Variants in DDAH1 observed in about 807,000 individuals in gnomAD.
DDAH1 encodes the protein dimethylarginine dimethylaminohydrolase 1.
A neutral mutation model predicts 28.8 loss-of-function variants in DDAH1; 19 were observed. The observed-to-expected ratio is 0.66, with a 90% CI of 0.46 to 0.97. The LOEUF is 0.97. DDAH1 is among the 50% of genes least tolerant of loss of function. DDAH1 has a pLI of 0.00. For synonymous variants in DDAH1, 153 were observed against 154.4 expected (o/e 0.99, Z 0.07); for missense variants, 326 against 375.9 (o/e 0.87, Z 1.10).
intron 4 of DDAH1, among the ~76,000 whole-genome samples, chr1:85,338,892 C>G (rs1018330800): frequency 6.8e-6 from 1 of 146,692 alleles, no homozygotes; most frequent in Non-Finnish European, 1.5e-5. Context: ...AAAAAAAATA[C>G]AAAAATTAGC....
intron 1 of DDAH1, among the ~76,000 whole-genome samples, chr1:85,431,837 C>G (rs1653700073): frequency 6.6e-6 from 1 of 152,192 alleles, no homozygotes; most frequent in Non-Finnish European, 1.5e-5. Context: ...GGTGAATGAT[C>G]TTAAAGTGTC....
chr1:85,410,921 T>G (rs1031966103), intron 1 of DDAH1, among the ~76,000 whole-genome samples: 1 of 152,182 alleles, frequency 6.6e-6, no homozygotes, highest in East Asian at 1.9e-4. Flanking sequence ...GGCATTCTGA[T>G]GACAGGTGTG....
At chr1:85,371,920 T>C (rs971247795) in intron 1 of DDAH1, among the ~76,000 whole-genome samples, 1 of 152,218 alleles carries the variant, frequency 6.6e-6, no homozygotes, top group Non-Finnish European at 1.5e-5. Context: ...TGGTGCTTTT[T>C]TGACTGTTCT....
At chr1:85,520,002 CTTATTTA>C (rs1317382756) in intron 1 of DDAH1, among the ~76,000 whole-genome samples, 2 of 107,160 alleles carry the variant, frequency 1.9e-5, no homozygotes, top group African/African-American at 5.9e-5. Flanking sequence ...ATTTATTGGA[CTTATTTA>C]TTATAAGTTC....
At chr1:85,431,186 G>A (rs1653672135) in intron 1 of DDAH1, among the ~76,000 whole-genome samples, 1 of 152,134 alleles carries the variant, frequency 6.6e-6, no homozygotes, top group Non-Finnish European at 1.5e-5. Context: ...TTATGTGATG[G>A]ATTATGTTTA....
At position 85,515,341 on chromosome 1, in the gene DDAH1, C is replaced by T. The variant is rs1181276723; in HGVS notation, c.-122-19060G>A. Among the ~76,000 whole-genome samples the T allele has an allele frequency of 3.6e-5, 5 of 138,988 alleles. No individual in the cohort carries two copies. The Admixed American group carries it at 3.8e-4, about 11-fold the overall frequency. The allele number at this position is 138,988 out of a possible 152,430, so 91.2% of individuals were successfully genotyped here. ...CAAAGAAAGAATGAAGAATGAGTCCCTAAGTTCCCAGTTTGAGAACCTGAA... is the reference window on the plus strand; with the variant it reads ...CAAAGAAAGAATGAAGAATGAGTCCTTAAGTTCCCAGTTTGAGAACCTGAA... On this transcript the variant is annotated intron_variant, in intron 1 of 6. Transcript: ENST00000426972.
intron 1 of DDAH1, among the ~76,000 whole-genome samples, chr1:85,423,349 G>T (rs1653239464): frequency 6.6e-6 from 1 of 152,264 alleles, no homozygotes; most frequent in South Asian, 2.1e-4. Context: ...ATCTATAGGT[G>T]AAGAAGAGAA....
At chr1:85,322,727 T>C (rs998297756) in intron 5 of DDAH1, among the ~76,000 whole-genome samples, 5 of 152,234 alleles carry the variant, frequency 3.3e-5, no homozygotes, top group Non-Finnish European at 7.3e-5. Flanking sequence ...ACACCTGGGA[T>C]GCCTGGCACC....
chr1:85,565,538 G>A (rs935566200), intron 1 of DDAH1, among the ~76,000 whole-genome samples: 2 of 151,742 alleles, frequency 1.3e-5, no homozygotes, highest in African/African-American at 2.4e-5. Context: ...CTATTTTTGC[G>A]ACTTCCTATG....
At chr1:85,503,830 T>G (rs1424296302) in intron 1 of DDAH1, among the ~76,000 whole-genome samples, 1 of 152,086 alleles carries the variant, frequency 6.6e-6, no homozygotes, top group Non-Finnish European at 1.5e-5. Context: ...TAAGGTGACC[T>G]CTGGGCTAAG....
intron 1 of DDAH1, among the ~76,000 whole-genome samples, chr1:85,542,058 T>C (rs1285474387): frequency 1.3e-5 from 2 of 152,222 alleles, no homozygotes; most frequent in South Asian, 4.1e-4. Context: ...TGGATATTAA[T>C]ATGTAAACTT....
chr1:85,526,495 G>A (rs1194228096), intron 1 of DDAH1, among the ~76,000 whole-genome samples: 1 of 152,190 alleles, frequency 6.6e-6, no homozygotes, highest in Non-Finnish European at 1.5e-5. Context: ...ATCTAGGTGT[G>A]TGATCACAGC....
chr1:85,405,920 G>A (rs1351148163), intron 1 of DDAH1, among the ~76,000 whole-genome samples: 1 of 152,172 alleles, frequency 6.6e-6, no homozygotes, highest in Non-Finnish European at 1.5e-5. Flanking sequence ...CACTTATGTT[G>A]CCAACTTAAA....
At chr1:85,555,498 G>T (rs917115202) in intron 1 of DDAH1, among the ~76,000 whole-genome samples, 5 of 152,108 alleles carry the variant, frequency 3.3e-5, no homozygotes, top group African/African-American at 1.2e-4. Flanking sequence ...TCCTTCAAGA[G>T]GCCTGTGATT....
At chr1:85,508,889 C>G (rs514499) in intron 1 of DDAH1, among the ~76,000 whole-genome samples, 150,820 of 152,370 alleles carry the variant, frequency 0.99, 74,665 homozygotes, top group Middle Eastern at 1. Flanking sequence ...TCTGCCGGCA[C>G]GGCATAGCTG....
chr1:85,567,980 G>A (rs1049717246), intron 1 of DDAH1, among the ~76,000 whole-genome samples: 3 of 152,044 alleles, frequency 2.0e-5, no homozygotes, highest in Non-Finnish European at 4.4e-5. Flanking sequence ...GTTAAACACA[G>A]TTTATTTTCT....
chr1:85,374,784 C>A (rs369312644), intron 1 of DDAH1, among the ~76,000 whole-genome samples: 18 of 151,588 alleles, frequency 1.2e-4, no homozygotes, highest in Non-Finnish European at 2.5e-4. Flanking sequence ...CTATTATAAA[C>A]CAATTTAAAA....
intron 1 of DDAH1, among the ~76,000 whole-genome samples, chr1:85,546,212 C>T (rs1404230707): frequency 6.6e-6 from 1 of 151,398 alleles, no homozygotes; most frequent in African/African-American, 2.4e-5. Flanking sequence ...GGTGATTAGG[C>T]CATGGCAACT....
At chr1:85,508,425 G>A (rs1392444269) in intron 1 of DDAH1, among the ~76,000 whole-genome samples, 6 of 152,144 alleles carry the variant, frequency 3.9e-5, no homozygotes, top group East Asian at 3.9e-4. Flanking sequence ...GGTGATTTCC[G>A]CATTTCCAAC....
Sources: gnomAD v4.1 joint callset for allele counts (sites outside exome capture counted in the v4.1 genomes callset) on GRCh38, gnomAD v4.1.1 for gene constraint, MANE v1.5 for transcripts, NCBI Gene and HGNC (gene_info 2026-07-23, HGNC 2026-07-21) for gene names.